RERGL: variants seen among roughly 807,000 people sequenced by gnomAD.
The protein encoded by RERGL is RERG like.
In RERGL, 22 loss-of-function variants were observed where a neutral mutation model predicts 24.7. The observed-to-expected ratio is 0.89, with a 90% CI of 0.64 to 1.27. RERGL has a LOEUF of 1.27. Ranked by LOEUF, RERGL falls within the 50% of genes most tolerant of loss-of-function variation. RERGL has a pLI of 0.00. For missense variants in RERGL, 259 were observed against 235.3 expected (o/e 1.10, Z -0.66); for synonymous variants, 76 against 82.6 (o/e 0.92, Z 0.43).
At chr12:18,084,695 G>T (rs370031702) in intron 3 of RERGL, 30 bp from the exon 4 acceptor site, 3 of 1,598,756 alleles carry the variant, frequency 1.9e-6, no homozygotes, top group Non-Finnish European at 2.6e-6. Flanking sequence ...ATTAAAAGTG[G>T]TGGGATCTAA....
intron 2 of RERGL, 97 bp from the exon 3 acceptor site, chr12:18,085,790 C>A: frequency 1.7e-6 from 1 of 594,618 alleles, no homozygotes; most frequent in Non-Finnish European, 3.0e-6. Context: ...GTATTGTGCT[C>A]TTTTTATATT....
intron 4 of RERGL, among the ~76,000 whole-genome samples, chr12:18,084,291 A>G (rs992796533): frequency 6.6e-6 from 1 of 152,210 alleles, no homozygotes; most frequent in Non-Finnish European, 1.5e-5. Context: ...GTCTTGTAAA[A>G]TAGCCATTTA....
chr12:18,083,098 G>C (rs1324483443), intron 4 of RERGL, among the ~76,000 whole-genome samples: 2 of 152,016 alleles, frequency 1.3e-5, no homozygotes. Flanking sequence ...TTTTAAAAAT[G>C]TTGCTAAGGT....
At position 18,084,633 on chromosome 12, in the gene RERGL, C is replaced by T; in HGVS notation, c.216G>A (p.Glu72=). Residue 72 remains glutamate (E), a synonymous_variant, in exon 4 of 5, where the codon GAG becomes GAA. Coordinates refer to ENST00000538724, the MANE Select transcript of RERGL (RefSeq NM_001286201.2). ...TQKAKFSLTS[E]LHWADGFVIV... Reference sequence around the variant, plus strand: ...TAACAAACCCATCTGCCCAGTGAAGCTCACTTGTGAGGGAGAATTTTGCTT... The same window carrying T: ...TAACAAACCCATCTGCCCAGTGAAGTTCACTTGTGAGGGAGAATTTTGCTT... 1.2e-6 allele frequency: 2 copies of T among 1,610,426 alleles called. No individual in the cohort carries two copies. Among genetic ancestry groups the T allele is most frequent in the African/African-American group, 2.7e-5 (2 of 74,870 alleles).
chr12:18,088,907 A>C lies in RERGL; in HGVS notation c.102T>G (p.Ser34=). Residue 34 remains serine (S), a synonymous_variant, in exon 2 of 5, where the codon TCT becomes TCG. Coordinates refer to ENST00000538724, the MANE Select transcript of RERGL (RefSeq NM_001286201.2). The part of the protein sequence containing the change: ...LTKRFIGEYA[S]NFESIYKKHL... ...TCTAGAGTAGTGACTTACCAAAATT[A>C]GAAGCATATTCTCCAATGAATCGCT... 1 of 1,602,794 alleles carries C rather than the reference A, an allele frequency of 6.2e-7. No homozygotes were observed. Among genetic ancestry groups the C allele is most frequent in the African/African-American group, 1.3e-5 (1 of 74,762 alleles).
In RERGL at chr12:18,085,111, A is replaced by G. The variant is rs149868025; in HGVS notation, c.184-446T>C. Among the ~76,000 whole-genome samples the G allele has an allele frequency of 1.1e-3, 169 of 152,326 alleles. 1 individual carries two copies. The highest frequency in any genetic ancestry group is 3.4e-3 in the Middle Eastern group (1 of 294). On this transcript the variant is annotated intron_variant, in intron 3 of 4. Coordinates refer to ENST00000538724, the MANE Select transcript of RERGL (RefSeq NM_001286201.2). ...ATTTAAGATACATTTTGATTTACCT[A>G]AAATGATCTGTCTCATACAGTTGTT...
chr12:18,084,567 T>C lies in RERGL; in HGVS notation c.282A>G (p.Ala94=), dbSNP rs1164654664. 6.2e-7 allele frequency: 1 copy of C among 1,612,376 alleles called. No homozygotes were observed. Among genetic ancestry groups the C allele is most frequent in the African/African-American group, 1.3e-5 (1 of 74,860 alleles). Residue 94 remains alanine, a synonymous_variant, in exon 4 of 5, where the codon GCA becomes GCG. Coordinates refer to ENST00000538724, the MANE Select transcript of RERGL (RefSeq NM_001286201.2). ...CCCGGATTCTGTAGATCAGCGCTTTTGCAAAAGCAAATGAAGACCTATCAC... is the reference window on the plus strand; with the variant it reads ...CCCGGATTCTGTAGATCAGCGCTTTCGCAAAAGCAAATGAAGACCTATCAC... ...DISDRSSFAF[A]KALIYRIREP...
At chr12:18,087,985 T>G (rs1947236079) in intron 2 of RERGL, among the ~76,000 whole-genome samples, 2 of 152,134 alleles carry the variant, frequency 1.3e-5, no homozygotes, top group South Asian at 4.1e-4. Context: ...ATGTAATATA[T>G]TAAAGCTATT....
At chr12:18,086,166 C>G (rs1458157202) in intron 2 of RERGL, among the ~76,000 whole-genome samples, 1 of 151,994 alleles carries the variant, frequency 6.6e-6, no homozygotes, top group African/African-American at 2.4e-5. Context: ...AGCCACCGCG[C>G]CCAGCCAATA....
intron 4 of RERGL, among the ~76,000 whole-genome samples, 190 bp downstream of exon 4, chr12:18,084,327 A>G (rs1189737774): frequency 2.6e-5 from 4 of 152,164 alleles, no homozygotes; most frequent in African/African-American, 9.6e-5. Flanking sequence ...TGTTTATGTC[A>G]GCGAGGATAT....
At chr12:18,082,251 A>C (rs1462199909) in intron 4 of RERGL, among the ~76,000 whole-genome samples, 2 of 152,280 alleles carry the variant, frequency 1.3e-5, no homozygotes, top group East Asian at 3.9e-4. Flanking sequence ...CAAATACTGC[A>C]TGTTCTCACT....
rs540814217 is a variant in RERGL at position 18,085,982 on chromosome 12, C to G, written c.110-289G>C. On this transcript the variant is annotated intron_variant, in intron 2 of 4. Coordinates refer to ENST00000538724, the MANE Select transcript of RERGL (RefSeq NM_001286201.2). ...ACGCCGTTCTCCTGCCTCAGCCTCC[C>G]GAGTAGCTGGGACTACAGGGGCTCG... Among the ~76,000 whole-genome samples the G allele has an allele frequency of 4.0e-5, 6 of 150,878 alleles. No homozygotes were observed. In the South Asian group the frequency reaches 1.1e-3, roughly 26 times the overall value.
At chr12:18,089,983 T>A in intron 1 of RERGL, 106 bp downstream of exon 1, 1 of 732,540 alleles carries the variant, frequency 1.4e-6, no homozygotes, top group Non-Finnish European at 2.0e-6. Context: ...ATAGATATAT[T>A]TTCATATATA....
At chr12:18,087,397 T>C (rs1313237898) in intron 2 of RERGL, among the ~76,000 whole-genome samples, 1 of 152,200 alleles carries the variant, frequency 6.6e-6, no homozygotes. Context: ...ACTTTATAGG[T>C]TTATTCTTGA....
chr12:18,088,647 G>GT (rs1947241561), intron 2 of RERGL, among the ~76,000 whole-genome samples: 1 of 152,046 alleles, frequency 6.6e-6, no homozygotes, highest in Non-Finnish European at 1.5e-5. Context: ...GAGGATCTTA[G>GT]TTTTAATGTT....
chr12:18,089,295 C>T, intron 1 of RERGL: 1 of 1,593,702 alleles, frequency 6.3e-7, no homozygotes, highest in Non-Finnish European at 8.6e-7. Context: ...TGTTTATTTT[C>T]TCTGTCAAAC....
At chr12:18,087,366 T>C (rs1212834694) in intron 2 of RERGL, among the ~76,000 whole-genome samples, 2 of 152,168 alleles carry the variant, frequency 1.3e-5, no homozygotes, top group East Asian at 3.8e-4. Flanking sequence ...TTAAATTATG[T>C]TTTCAGCCAG....
At chr12:18,086,375 A>G (rs1947222538) in intron 2 of RERGL, among the ~76,000 whole-genome samples, 1 of 152,196 alleles carries the variant, frequency 6.6e-6, no homozygotes, top group South Asian at 2.1e-4. Context: ...CCTCTTATAT[A>G]TCATAATTTT....
intron 2 of RERGL, among the ~76,000 whole-genome samples, chr12:18,087,188 T>C (rs939887946): frequency 2.0e-4 from 30 of 152,270 alleles, no homozygotes; most frequent in African/African-American, 7.2e-4. Context: ...ACCCTTCCTG[T>C]TTCTGGTGTA....
Sources: allele counts gnomAD v4.1 joint callset (sites outside exome capture counted in the v4.1 genomes callset), GRCh38; gene constraint gnomAD v4.1.1; transcripts MANE v1.5; gene names NCBI Gene and HGNC (gene_info 2026-07-23, HGNC 2026-07-21).